ZSCAN5A: variants seen among roughly 807,000 people sequenced by gnomAD.
ZSCAN5A encodes zinc finger and SCAN domain containing 5A.
In ZSCAN5A, 12 loss-of-function variants were observed where a neutral mutation model predicts 23.7. That is an observed-to-expected ratio of 0.51 (90% CI 0.32 to 0.82). The LOEUF is 0.82. Ranked by LOEUF, ZSCAN5A falls within the 40% of genes least tolerant of loss-of-function variation. The probability of loss-of-function intolerance (pLI) is 0.03; values close to 1 mark genes in which losing one functional copy is unlikely to be tolerated. For missense variants in ZSCAN5A, 597 were observed against 617.9 expected (o/e 0.97, Z 0.36); for synonymous variants, 257 against 239.9 (o/e 1.07, Z -0.66).
At chr19:56,225,665 A>T (rs969158034) in intron 2 of ZSCAN5A, among the ~76,000 whole-genome samples, 3 of 152,232 alleles carry the variant, frequency 2.0e-5, no homozygotes, top group African/African-American at 7.2e-5. Flanking sequence ...AGGATTAAGC[A>T]CCTACACAGA....
chr19:56,264,466 A>T (rs1228286341), intron 2 of ZSCAN5A, among the ~76,000 whole-genome samples: 5 of 152,190 alleles, frequency 3.3e-5, no homozygotes, highest in Non-Finnish European at 1.5e-5. Context: ...AGTACATTCC[A>T]AGAAAGATGT....
intron 2 of ZSCAN5A, among the ~76,000 whole-genome samples, chr19:56,262,359 T>C (rs1294788636): frequency 6.6e-6 from 1 of 151,754 alleles, no homozygotes; most frequent in Non-Finnish European, 1.5e-5. Flanking sequence ...ATTTTGACTA[T>C]TTTAGAGTTT....
At chr19:56,274,017 G>A (rs559739342) in intron 2 of ZSCAN5A, among the ~76,000 whole-genome samples, 2 of 152,072 alleles carry the variant, frequency 1.3e-5, no homozygotes, top group Non-Finnish European at 2.9e-5. Context: ...AGAAGGTTAC[G>A]AGGCACTGAG....
At chr19:56,327,458 TAC>T (rs1304234360) in intron 2 of ZSCAN5A, among the ~76,000 whole-genome samples, 1 of 150,500 alleles carries the variant, frequency 6.6e-6, no homozygotes, top group African/African-American at 2.4e-5. Flanking sequence ...TTATTAATAA[TAC>T]ATTTACTATG....
chr19:56,319,767 C>T, upstream of ZSCAN5A: 1 of 759,754 alleles, frequency 1.3e-6, no homozygotes, highest in East Asian at 2.5e-5. Flanking sequence ...CCAGTCGCAT[C>T]CTAAGCCCGG....
chr19:56,227,170 G>A (rs532369377), intron 2 of ZSCAN5A, among the ~76,000 whole-genome samples: 5 of 152,228 alleles, frequency 3.3e-5, no homozygotes, highest in South Asian at 4.1e-4. Flanking sequence ...TAGATTTCAA[G>A]TATTCTCAAA....
intron 2 of ZSCAN5A, among the ~76,000 whole-genome samples, chr19:56,244,873 A>G (rs944190124): frequency 7.2e-5 from 11 of 151,820 alleles, no homozygotes; most frequent in Non-Finnish European, 1.2e-4. Context: ...GAAGCAGGGA[A>G]AGTGGTTGGT....
chr19:56,222,512 GGAT>G, intron 5 of ZSCAN5A, 76 bp downstream of exon 5: 3 of 1,569,530 alleles, frequency 1.9e-6, no homozygotes, highest in Non-Finnish European at 2.6e-6. Flanking sequence ...CTCCCCCAGG[GGAT>G]GATAATGCTG....
intron 5 of ZSCAN5A, 39 bp from the exon 6 acceptor site, chr19:56,222,365 C>G (rs772783146): frequency 9.4e-6 from 15 of 1,599,414 alleles, no homozygotes; most frequent in Non-Finnish European, 6.0e-6. Flanking sequence ...TAATAAAGCG[C>G]ATTTTCAATA....
At chr19:56,366,077 A>G (rs2041762324) in intron 1 of ZSCAN5A, 1 of 152,252 alleles carries the variant, frequency 6.6e-6, no homozygotes, top group South Asian at 2.1e-4. Context: ...ATGACCTGGA[A>G]GAAGGAAAAT....
intron 2 of ZSCAN5A, chr19:56,246,816 C>A (rs763410878): frequency 6.4e-5 from 103 of 1,610,960 alleles, no homozygotes; most frequent in Non-Finnish European, 8.6e-5. Context: ...CTTCTGCCTG[C>A]GTTGTGGAGA....
At chr19:56,308,073 C>T (rs561472398) in intron 2 of ZSCAN5A, among the ~76,000 whole-genome samples, 46 of 152,392 alleles carry the variant, frequency 3.0e-4, no homozygotes, top group Admixed American at 9.1e-4. Context: ...CTCGCTCTGT[C>T]GCCAGGCTGG....
At chr19:56,364,638 T>C (rs2041754095) in intron 1 of ZSCAN5A, among the ~76,000 whole-genome samples, 1 of 152,212 alleles carries the variant, frequency 6.6e-6, no homozygotes, top group African/African-American at 2.4e-5. Context: ...GATATGTTCA[T>C]ACAGCTTTAT....
intron 2 of ZSCAN5A, among the ~76,000 whole-genome samples, chr19:56,303,709 G>A (rs2040495157): frequency 6.6e-6 from 1 of 152,176 alleles, no homozygotes; most frequent in Non-Finnish European, 1.5e-5. Flanking sequence ...TGGGATAGCA[G>A]GAGGACTGCA....
intron 2 of ZSCAN5A, chr19:56,263,481 G>A (rs1353292443): frequency 6.6e-6 from 1 of 152,158 alleles, no homozygotes; most frequent in African/African-American, 2.4e-5. Flanking sequence ...GAGTTGCAAA[G>A]GGCATTAAGG....
chr19:56,368,176 G>C (rs577007641), intron 1 of ZSCAN5A: 1 of 152,382 alleles, frequency 6.6e-6, no homozygotes, highest in Non-Finnish European at 1.5e-5. Context: ...GCTCCGCGTC[G>C]AGGCCCTACG....
In ZSCAN5A at chr19:56,351,411, G is replaced by A. The variant is rs2041666593; in HGVS notation, c.-358+11824C>T. On this transcript the variant is annotated intron_variant, in intron 2 of 6. Transcript: ENST00000587340. This position sits in a 1 kb window ranked among gnomAD's most constrained non-coding sequence, Gnocchi z 4.8. The stretch of plus-strand genomic sequence containing the variant: ...ATTTGCATATTAAAAGGCTATGGCG[G>A]GAGGGCCTGGTTTCTCCCAGGCTAC... 6.6e-6 allele frequency among the ~76,000 whole-genome samples: 1 copy of A among 152,078 alleles called. No individual in the cohort carries two copies. The highest frequency in any genetic ancestry group is 2.1e-4 in the South Asian group (1 of 4,828).
Position 56,241,499 on chromosome 19 carries a change from T to A in ZSCAN5A, c.-127-16326A>T, listed in dbSNP as rs547388798. ...AAATTGTATACAATTGGGCACAGCA[T>A]AATGTGCTTTGTAGGATGTGAACGC... On this transcript the variant is annotated intron_variant, in intron 2 of 5. Transcript: ENST00000683990. Among the ~76,000 whole-genome samples the A allele has an allele frequency of 3.3e-4, 51 of 152,370 alleles. No homozygotes were observed. The South Asian group carries it at 9.3e-3, about 28-fold the overall frequency.
chr19:56,361,005 C>T (rs1030675144), intron 2 of ZSCAN5A, among the ~76,000 whole-genome samples: 3 of 151,658 alleles, frequency 2.0e-5, no homozygotes, highest in Non-Finnish European at 4.4e-5. Context: ...AAACAAAATG[C>T]CATTAAAAAA....
Sources: gnomAD v4.1 joint callset for allele counts (sites outside exome capture counted in the v4.1 genomes callset) on GRCh38, gnomAD v4.1.1 for gene constraint, Gnocchi (gnomAD v3.1) non-coding constraint, MANE v1.5 for transcripts, NCBI Gene and HGNC (gene_info 2026-07-23, HGNC 2026-07-21) for gene names.